ZIM2: variants seen among roughly 807,000 people sequenced by gnomAD.
ZIM2 encodes zinc finger protein 656.
A neutral mutation model predicts 38.6 loss-of-function variants in ZIM2; 14 were observed. That is an observed-to-expected ratio of 0.36 (90% CI 0.24 to 0.57). The LOEUF is 0.57. Among genes scored for constraint, ZIM2 ranks in the 20% least tolerant of loss-of-function variants. The pLI is 0.81. For synonymous variants in ZIM2, 247 were observed against 245.8 expected, an observed-to-expected ratio of 1.00 and a Z score of -0.04; for missense variants, 680 against 695.1, an observed-to-expected ratio of 0.98 and a Z score of 0.24.
chr19:56,816,261 T>C (rs758206626), intron 9 of ZIM2: 4 of 1,614,008 alleles, frequency 2.5e-6, no homozygotes, highest in Non-Finnish European at 2.5e-6. Context: ...ATTCAGTGAA[T>C]GGCCCACTAT....
intron 2 of ZIM2, 113 bp downstream of exon 2, chr19:56,835,904 TG>T (rs1601276150): frequency 2.4e-6 from 1 of 408,172 alleles, no homozygotes; most frequent in South Asian, 1.7e-5. Context: ...AGGGCACAAA[TG>T]GTGCTGGGGT....
rs761410227 is a variant in ZIM2 at position 56,816,000 on chromosome 19, G to A, written c.490+1746C>T. On this transcript the variant is annotated intron_variant, in intron 9 of 12. Coordinates refer to ENST00000629319, the MANE Select transcript of ZIM2 (RefSeq NM_001387356.1). ...TCCCTCCAGCACGAACTCTCTGATG[G>A]TTGATAGCATCGAAGCTCTGAATGG... 6 of 1,588,176 alleles carry A rather than the reference G, an allele frequency of 3.8e-6. No individual in the cohort carries two copies. In the South Asian group the frequency reaches 7.0e-5, roughly 18 times the overall value.
At chr19:56,803,022 G>C (rs1190580758) in intron 9 of ZIM2, among the ~76,000 whole-genome samples, 1 of 152,228 alleles carries the variant, frequency 6.6e-6, no homozygotes, top group Non-Finnish European at 1.5e-5. Context: ...GCTGGACTCA[G>C]TTGCTAAAGG....
At chr19:56,792,247 A>T (rs1477187908) in intron 9 of ZIM2, among the ~76,000 whole-genome samples, 1 of 152,082 alleles carries the variant, frequency 6.6e-6, no homozygotes, top group African/African-American at 2.4e-5. Context: ...AAATTAACAC[A>T]GAATCTGCGG....
rs1008091931 is a variant in ZIM2 at position 56,810,891 on chromosome 19, G to C, written c.490+6855C>G. On this transcript the variant is annotated intron_variant, in intron 9 of 12. Transcript: ENST00000629319. Reference sequence around the variant, plus strand: ...GGTATGTATTATGCACACCAATGGAGACACACATAATACACTGTTATCAGG... The same window carrying C: ...GGTATGTATTATGCACACCAATGGACACACACATAATACACTGTTATCAGG... The C allele has an allele frequency of 1.1e-5, 11 of 963,836 alleles. 1 individual carries two copies. The South Asian group carries it at 5.3e-4, about 46-fold the overall frequency. The allele number at this position is 963,836 out of a possible 1,614,324, so 59.7% of individuals were successfully genotyped here.
intron 9 of ZIM2, chr19:56,813,485 G>C: frequency 7.1e-7 from 1 of 1,401,270 alleles, no homozygotes; most frequent in Non-Finnish European, 9.3e-7. Flanking sequence ...ACATCTGAAG[G>C]GGAAAGCTTA....
chr19:56,775,122 A>C lies in ZIM2; in HGVS notation c.1243T>G (p.Ser415Ala). 1 of 1,614,108 alleles carries C rather than the reference A, an allele frequency of 6.2e-7. No individual in the cohort carries two copies. The change falls in exon 13 of 13, where the codon TCT (serine) becomes GCT (alanine). Residue 415 changes from serine to alanine, a missense_variant. Ser to Ala is a moderately conservative substitution (Grantham distance 99). Transcript: ENST00000629319. The part of the protein sequence containing the change: ...HQKTHSGRKT[S>A]GCNEGRKPSV... ...GGCTTTCTACCTTCATTGCAGCCAG[A>C]AGTCTTCCTACCAGAATGGGTCTTC... is the stretch of plus-strand genomic sequence containing the variant.
At chr19:56,782,397 T>C (rs2145863110) in intron 10 of ZIM2, 3 of 472,372 alleles carry the variant, frequency 6.4e-6, no homozygotes, top group Non-Finnish European at 8.2e-6. Context: ...CTCAGCAGTA[T>C]ACCTCAGCCT....
intron 8 of ZIM2, 48 bp from the exon 9 acceptor site, chr19:56,817,886 G>T: frequency 1.4e-6 from 2 of 1,412,400 alleles, no homozygotes; most frequent in Non-Finnish European, 2.0e-6. Flanking sequence ...TGAGGACCAA[G>T]ACTCATCACC....
At position 56,804,110 on chromosome 19, in the gene ZIM2, C is replaced by A. The variant is rs74444180; in HGVS notation, c.490+13636G>T. 4.0e-3 allele frequency among the ~76,000 whole-genome samples: 616 copies of A among 152,378 alleles called. 4 individuals are homozygous for A. The highest frequency in any genetic ancestry group is 0.014 in the African/African-American group (584 of 41,592). On this transcript the variant is annotated intron_variant, in intron 9 of 12. Transcript: ENST00000629319. ...TGTTAATAACCCCTGATACCCACCC[C>A]ACGTGGGGATAGCAGGGGTGAGAGG...
At chr19:56,818,491 G>C in intron 8 of ZIM2, 109 bp downstream of exon 8, 1 of 1,148,612 alleles carries the variant, frequency 8.7e-7, no homozygotes, top group Non-Finnish European at 1.2e-6. Flanking sequence ...TATTACCCTT[G>C]AAGTCCAAAT....
At chr19:56,781,829 C>G in intron 11 of ZIM2, 124 bp downstream of exon 11, 1 of 1,209,502 alleles carries the variant, frequency 8.3e-7, no homozygotes, top group Non-Finnish European at 1.1e-6. Context: ...TAAAATATTG[C>G]CTCTGACCTG....
chr19:56,837,862 G>C (rs2062360081), intron 1 of ZIM2, among the ~76,000 whole-genome samples: 2 of 152,196 alleles, frequency 1.3e-5, no homozygotes, highest in East Asian at 3.9e-4. Context: ...TACTAGGATG[G>C]ACGGGGCTCA....
chr19:56,823,294 A>T (rs757807245), intron 5 of ZIM2, among the ~76,000 whole-genome samples: 3 of 152,240 alleles, frequency 2.0e-5, no homozygotes, highest in Non-Finnish European at 2.9e-5. Context: ...AAGCATCTTT[A>T]ATGAACCTTC....
intron 10 of ZIM2, among the ~76,000 whole-genome samples, chr19:56,789,537 T>G (rs73623076): frequency 6.6e-6 from 1 of 151,820 alleles, no homozygotes; most frequent in African/African-American, 2.4e-5. Context: ...CTGAATAAAA[T>G]AGAATACTAA....
chr19:56,814,015 T>C lies in ZIM2; in HGVS notation c.490+3731A>G, dbSNP rs202189197. On this transcript the variant is annotated intron_variant, in intron 9 of 12. Transcript: ENST00000629319. This position sits in a 1 kb window ranked among gnomAD's most constrained non-coding sequence, Gnocchi z 5.8. ...ACCGTCAGGCTCGTCGGCATCTCCCTCTGGCTCTTCAGCTTTTCCCTCTGG... is the reference window on the plus strand; with the variant it reads ...ACCGTCAGGCTCGTCGGCATCTCCCCCTGGCTCTTCAGCTTTTCCCTCTGG... 6.2e-7 allele frequency: 1 copy of C among 1,613,356 alleles called. No individual in the cohort carries two copies. The highest frequency in any genetic ancestry group is 8.5e-7 in the Non-Finnish European group (1 of 1,179,342).
intron 7 of ZIM2, among the ~76,000 whole-genome samples, chr19:56,820,292 A>C (rs1199894220): frequency 6.6e-6 from 1 of 152,248 alleles, no homozygotes; most frequent in Non-Finnish European, 1.5e-5. Context: ...TGTTGTGTAC[A>C]CCTTCAAAAT....
intron 9 of ZIM2, chr19:56,798,212 C>G (rs1167106009): frequency 1.4e-4 from 21 of 152,180 alleles, no homozygotes; most frequent in Admixed American, 2.6e-4. Flanking sequence ...GCCATGTGAA[C>G]ACGTTCCAAT....
chr19:56,792,568 A>G (rs1407659514), intron 9 of ZIM2, among the ~76,000 whole-genome samples: 1 of 151,434 alleles, frequency 6.6e-6, no homozygotes, highest in African/African-American at 2.4e-5. Flanking sequence ...GAGAAAACCA[A>G]ATACTACATG....
Sources: gnomAD v4.1 joint callset for allele counts (sites outside exome capture counted in the v4.1 genomes callset) on GRCh38, gnomAD v4.1.1 for gene constraint, Gnocchi (gnomAD v3.1) non-coding constraint, MANE v1.5 for transcripts, NCBI Gene and HGNC (gene_info 2026-07-23, HGNC 2026-07-21) for gene names.